The following SLC7A11 variants were observed in gnomAD, a reference collection of about 807,000 sequenced individuals.
SLC7A11 encodes the protein solute carrier family 7 member 11.
SLC7A11 carries 35 observed loss-of-function variants against 54.5 expected under a neutral mutation model. That is an observed-to-expected ratio of 0.64 (90% CI 0.49 to 0.85). The LOEUF is 0.85. SLC7A11 is among the 40% of genes least tolerant of loss of function. The pLI is 0.00. For synonymous variants in SLC7A11, 230 were observed against 225.2 expected (o/e 1.02, Z -0.19); for missense variants, 583 against 618.1 (o/e 0.94, Z 0.60).
intron 2 of SLC7A11, 97 bp from the exon 3 acceptor site, chr4:138,232,479 G>A (rs1738103905): frequency 1.5e-6 from 1 of 673,524 alleles, no homozygotes. Flanking sequence ...TATGGAACAT[G>A]TTAAATATGA....
intron 3 of SLC7A11, among the ~76,000 whole-genome samples, chr4:138,228,625 G>A (rs1390578078): frequency 6.6e-6 from 1 of 151,802 alleles, no homozygotes; most frequent in African/African-American, 2.4e-5. Context: ...AGGGCGTGAT[G>A]GTGGGCGCCT....
intron 4 of SLC7A11, among the ~76,000 whole-genome samples, chr4:138,222,949 A>G (rs1737851514): frequency 6.6e-6 from 1 of 152,058 alleles, no homozygotes; most frequent in African/African-American, 2.4e-5. Flanking sequence ...CCAAACCATT[A>G]AACCTAGAAA....
intron 2 of SLC7A11, among the ~76,000 whole-genome samples, chr4:138,234,767 T>C (rs1286943515): frequency 6.6e-6 from 1 of 152,210 alleles, no homozygotes; most frequent in Non-Finnish European, 1.5e-5. Flanking sequence ...TTCATCATAA[T>C]GCTAAGCAAT....
intron 2 of SLC7A11, among the ~76,000 whole-genome samples, chr4:138,234,388 T>G (rs1738154869): frequency 1.3e-5 from 2 of 152,200 alleles, no homozygotes; most frequent in South Asian, 4.1e-4. Context: ...GAGAAATATT[T>G]ACATACTTAG....
At position 138,171,838 on chromosome 4, in the gene SLC7A11, A is replaced by G; in HGVS notation, c.*118T>C. 1.6e-6 allele frequency: 2 copies of G among 1,273,602 alleles called. No individual in the cohort carries two copies. The highest frequency in any genetic ancestry group is 2.1e-6 in the Non-Finnish European group (2 of 937,738). The allele number at this position is 1,273,602 out of a possible 1,614,324, so 78.9% of individuals were successfully genotyped here. The stretch of plus-strand genomic sequence containing the variant: ...ATGCTAAAATATATGAATAAAAATA[A>G]CTGACTCCTTTTGTTTATCACCAAA... On this transcript the variant is annotated 3_prime_UTR_variant, in exon 12 of 12. Transcript: ENST00000280612.
intron 3 of SLC7A11, among the ~76,000 whole-genome samples, chr4:138,223,580 T>C (rs1402992603): frequency 6.6e-6 from 1 of 152,180 alleles, no homozygotes; most frequent in African/African-American, 2.4e-5. Context: ...TAAGAATTCT[T>C]CTCTTGTTCT....
rs1736324039 is a variant in SLC7A11 at position 138,168,426 on chromosome 4, C to T, written c.*3530G>A. ...ACCTTATACCTCAATTACAAAAGAT[C>T]AACTTTAACAAAGGTCAGAGTTGCT... On this transcript the variant is annotated 3_prime_UTR_variant, in exon 12 of 12. Transcript: ENST00000280612. 2 of 152,124 alleles carry T rather than the reference C, an allele frequency of 1.3e-5. No homozygotes were observed. Among genetic ancestry groups the T allele is most frequent in the Admixed American group, 6.6e-5 (1 of 15,264 alleles). 9.4% of individuals were successfully genotyped at this position (152,124 alleles called of 1,614,324 possible). A position where few individuals can be genotyped will look rare whatever the true frequency, so the allele number is the denominator to read the frequency against.
intron 8 of SLC7A11, 106 bp from the exon 9 acceptor site, chr4:138,182,499 A>G (rs1578634267): frequency 1.5e-6 from 1 of 685,052 alleles, no homozygotes; most frequent in East Asian, 2.7e-5. Context: ...CCAAATGGTC[A>G]GGTATTCCTT....
intron 6 of SLC7A11, among the ~76,000 whole-genome samples, chr4:138,195,049 T>C (rs1737098508): frequency 6.6e-6 from 1 of 152,154 alleles, no homozygotes; most frequent in African/African-American, 2.4e-5. Context: ...GAAGATGTGA[T>C]TCTGTCCTCA....
intron 11 of SLC7A11, chr4:138,178,040 C>T (rs564067749): frequency 1.3e-5 from 2 of 152,230 alleles, no homozygotes; most frequent in African/African-American, 4.8e-5. Context: ...TTCAGCTATT[C>T]TACTTTATAT....
At chr4:138,198,229 T>TA (rs1240816121) in intron 6 of SLC7A11, among the ~76,000 whole-genome samples, 2 of 151,476 alleles carry the variant, frequency 1.3e-5, no homozygotes, top group African/African-American at 4.8e-5. Context: ...AATACAGAAA[T>TA]AAAAAATGAT....
At chr4:138,188,483 G>T (rs1391118353) in intron 6 of SLC7A11, among the ~76,000 whole-genome samples, 4 of 152,106 alleles carry the variant, frequency 2.6e-5, no homozygotes, top group Non-Finnish European at 1.5e-5. Context: ...GGTTCTCTTG[G>T]CTGTTTTGGC....
chr4:138,219,771 A>G (rs6819425), intron 4 of SLC7A11, among the ~76,000 whole-genome samples: 33 of 152,274 alleles, frequency 2.2e-4, no homozygotes, highest in African/African-American at 7.7e-4. Context: ...AGAGGTATCC[A>G]AGGTTCTACC....
intron 6 of SLC7A11, among the ~76,000 whole-genome samples, chr4:138,196,186 G>A (rs1001757858): frequency 6.6e-6 from 1 of 152,104 alleles, no homozygotes; most frequent in Non-Finnish European, 1.5e-5. Context: ...ATAAAAAGCA[G>A]GAAATCTCCT....
At chr4:138,198,083 A>T (rs2148425175) in intron 6 of SLC7A11, among the ~76,000 whole-genome samples, 1 of 151,382 alleles carries the variant, frequency 6.6e-6, no homozygotes, top group Middle Eastern at 3.4e-3. Context: ...ATATTATATC[A>T]GGTTTAAAAA....
At chr4:138,197,933 T>C (rs955959345) in intron 6 of SLC7A11, among the ~76,000 whole-genome samples, 1 of 150,458 alleles carries the variant, frequency 6.6e-6, no homozygotes, top group African/African-American at 2.4e-5. Flanking sequence ...CAATGTAATA[T>C]ATTGTAAGTA....
At chr4:138,176,789 A>T (rs1406494931) in intron 11 of SLC7A11, 1 of 152,188 alleles carries the variant, frequency 6.6e-6, no homozygotes, top group East Asian at 1.9e-4. Context: ...GACAGATTTC[A>T]CAGCGATGAG....
In SLC7A11 at chr4:138,178,994, C is replaced by A. The variant is rs370886900; in HGVS notation, c.1444+223G>T. 6.6e-5 allele frequency among the ~76,000 whole-genome samples: 10 copies of A among 152,178 alleles called. 1 individual carries two copies. In the South Asian group the frequency reaches 1.2e-3, roughly 19 times the overall value. The stretch of plus-strand genomic sequence containing the variant: ...TTCATCTAAAACAAAGCTGTTTCTC[C>A]TAAGAAGTGATTACAGCAGCCCAAA... On this transcript the variant is annotated intron_variant, in intron 11 of 11. Coordinates refer to ENST00000280612, the MANE Select transcript of SLC7A11 (RefSeq NM_014331.4).
chr4:138,199,246 T>G (rs1737212603), intron 6 of SLC7A11, among the ~76,000 whole-genome samples: 1 of 152,188 alleles, frequency 6.6e-6, no homozygotes, highest in South Asian at 2.1e-4. Flanking sequence ...GTACTTTTAT[T>G]TGATGTGATT....
Sources: gnomAD v4.1 joint callset for allele counts (sites outside exome capture counted in the v4.1 genomes callset) on GRCh38, gnomAD v4.1.1 for gene constraint, MANE v1.5 for transcripts, NCBI Gene and HGNC (gene_info 2026-07-23, HGNC 2026-07-21) for gene names.